Variants in ADAMTSL1 observed in about 807,000 individuals in gnomAD.
ADAMTSL1 encodes ADAMTS-like protein 1.
A neutral mutation model predicts 201.8 loss-of-function variants in ADAMTSL1; 126 were observed. The ratio of observed to expected loss-of-function variants is 0.62; its 90% confidence interval spans 0.54 to 0.72. The LOEUF is 0.72. Among genes scored for constraint, ADAMTSL1 ranks in the 30% least tolerant of loss-of-function variants. ADAMTSL1 has a pLI of 0.00. For missense variants in ADAMTSL1, 2,679 were observed against 2,277.8 expected (o/e 1.18, Z -3.59); for synonymous variants, 1,121 against 903.4 (o/e 1.24, Z -4.32).
intron 4 of ADAMTSL1, among the ~76,000 whole-genome samples, chr9:18,609,282 A>G (rs1359966053): frequency 6.6e-6 from 1 of 152,172 alleles, no homozygotes; most frequent in Admixed American, 6.5e-5. Flanking sequence ...CTTTAATTTG[A>G]GTAGAATGCA....
At chr9:17,947,336 CA>C in intron 1 of ADAMTSL1, among the ~76,000 whole-genome samples, 1 of 147,154 alleles carries the variant, frequency 6.8e-6, no homozygotes, top group African/African-American at 2.5e-5. Flanking sequence ...CACACACACA[CA>C]CACACACACC....
Position 18,063,950 on chromosome 9 carries a change from C to T in ADAMTSL1, c.88-99912C>T, listed in dbSNP as rs2131708210. The stretch of plus-strand genomic sequence containing the variant: ...TTCCGTGCCGGTTTAGAATCAACAA[C>T]CACAGGACTCACATTTTATCCCCCA... On this transcript the variant is annotated intron_variant, in intron 1 of 29. Transcript: ENST00000680146. Among the ~76,000 whole-genome samples, 3 of 152,252 alleles carry T rather than the reference C, an allele frequency of 2.0e-5. No homozygotes were observed. The East Asian group carries it at 5.8e-4, about 29-fold the overall frequency.
intron 23 of ADAMTSL1, among the ~76,000 whole-genome samples, chr9:18,843,441 G>A (rs1274589115): frequency 4.6e-5 from 7 of 150,804 alleles, no homozygotes; most frequent in Non-Finnish European, 1.0e-4. Context: ...TGGGTAACCC[G>A]ACCTTTCTCT....
chr9:18,084,507 G>C (rs1298679504), intron 1 of ADAMTSL1, among the ~76,000 whole-genome samples: 1 of 150,158 alleles, frequency 6.7e-6, no homozygotes, highest in Non-Finnish European at 1.5e-5. Context: ...GGGCAACAGA[G>C]CAAGACTCCA....
At chr9:18,123,659 A>G (rs1825603380) in intron 1 of ADAMTSL1, among the ~76,000 whole-genome samples, 1 of 152,172 alleles carries the variant, frequency 6.6e-6, no homozygotes, top group Admixed American at 6.5e-5. Flanking sequence ...GTATAGGTTC[A>G]ATGAATTTTA....
intron 1 of ADAMTSL1, among the ~76,000 whole-genome samples, chr9:18,081,363 G>A (rs1048741440): frequency 1.3e-5 from 2 of 151,754 alleles, no homozygotes; most frequent in African/African-American, 4.8e-5. Context: ...CTTGTAACAC[G>A]AATAATTCTT....
intron 1 of ADAMTSL1, among the ~76,000 whole-genome samples, chr9:17,915,007 G>C (rs988134699): frequency 6.6e-6 from 1 of 151,846 alleles, no homozygotes; most frequent in Non-Finnish European, 1.5e-5. Context: ...ATTTTGCATT[G>C]TTAAAAATGC....
At chr9:18,636,431 C>A (rs1827117864) in intron 6 of ADAMTSL1, among the ~76,000 whole-genome samples, 1 of 152,064 alleles carries the variant, frequency 6.6e-6, no homozygotes, top group Non-Finnish European at 1.5e-5. Context: ...TGTTTCATTA[C>A]TTCCATCAAT....
In ADAMTSL1 at chr9:18,188,678, C is replaced by T. The variant is rs146799632; in HGVS notation, c.207+24697C>T. Reference sequence around the variant, plus strand: ...ATGGATTCTGGCAGCAGCAAACTGCCGGGGATATTAGAAAGGGAAGATTCA... The same window carrying T: ...ATGGATTCTGGCAGCAGCAAACTGCTGGGGATATTAGAAAGGGAAGATTCA... On this transcript the variant is annotated intron_variant, in intron 2 of 29. Coordinates refer to the ADAMTSL1 transcript ENST00000680146. Among the ~76,000 whole-genome samples the T allele has an allele frequency of 2.5e-3, 387 of 152,170 alleles. 4 individuals are homozygous for T. Among genetic ancestry groups the T allele is most frequent in the African/African-American group, 8.9e-3 (370 of 41,520 alleles).
chr9:18,023,949 C>A (rs999637912), intron 1 of ADAMTSL1, among the ~76,000 whole-genome samples: 15 of 151,906 alleles, frequency 9.9e-5, no homozygotes, highest in African/African-American at 3.6e-4. Flanking sequence ...TTTTAAATAC[C>A]AAGATATTCA....
intron 6 of ADAMTSL1, among the ~76,000 whole-genome samples, chr9:18,637,209 C>G (rs1259151758): frequency 1.3e-5 from 2 of 152,040 alleles, no homozygotes; most frequent in East Asian, 3.9e-4. Flanking sequence ...TCCTGAACAA[C>G]CCTGTAAAAT....
At chr9:18,833,433 G>C (rs1020329185) in intron 23 of ADAMTSL1, among the ~76,000 whole-genome samples, 3 of 152,124 alleles carry the variant, frequency 2.0e-5, no homozygotes, top group African/African-American at 7.2e-5. Flanking sequence ...TTGTGGTTTT[G>C]ATTTGCGTTT....
At chr9:18,849,121 C>T (rs951456024) in intron 23 of ADAMTSL1, among the ~76,000 whole-genome samples, 3 of 152,164 alleles carry the variant, frequency 2.0e-5, no homozygotes, top group Non-Finnish European at 2.9e-5. Context: ...ATATTTCTTA[C>T]GTCTGTCATG....
At chr9:18,711,650 G>C (rs1000162720) in intron 14 of ADAMTSL1, among the ~76,000 whole-genome samples, 11 of 152,300 alleles carry the variant, frequency 7.2e-5, no homozygotes, top group African/African-American at 2.4e-4. Context: ...CAAACTGCAA[G>C]GTGGCAGCGA....
intron 2 of ADAMTSL1, chr9:18,361,939 G>T (rs1242513587): frequency 6.6e-6 from 1 of 152,148 alleles, no homozygotes; most frequent in Admixed American, 6.6e-5. Flanking sequence ...GGGACAGAAG[G>T]GGAGCATAAA....
chr9:18,483,104 A>T (rs1030683472), intron 1 of ADAMTSL1, among the ~76,000 whole-genome samples: 7 of 152,242 alleles, frequency 4.6e-5, no homozygotes, highest in Non-Finnish European at 8.8e-5. Flanking sequence ...GTTGACTGGT[A>T]TCTCTTTGAA....
chr9:18,723,944 C>T (rs1019330895), intron 15 of ADAMTSL1: 1 of 152,204 alleles, frequency 6.6e-6, no homozygotes, highest in Non-Finnish European at 1.5e-5. Context: ...TTTTCCCACA[C>T]AACCCACAAC....
chr9:18,870,094 C>T (rs1015425872), intron 23 of ADAMTSL1, among the ~76,000 whole-genome samples: 1 of 152,076 alleles, frequency 6.6e-6, no homozygotes. Flanking sequence ...ATAGTTTCTA[C>T]TTGTCTACTG....
rs918561390 is a variant in ADAMTSL1 at position 17,954,649 on chromosome 9, A to T, written c.87+47727A>T. On this transcript the variant is annotated intron_variant, in intron 1 of 29. Transcript: ENST00000680146. Reference sequence around the variant, plus strand: ...ATGCTTGATTATTTAATTGTTCCTTAGTGTGCCTATGAAATATTTGCTGTC... The same window carrying T: ...ATGCTTGATTATTTAATTGTTCCTTTGTGTGCCTATGAAATATTTGCTGTC... Among the ~76,000 whole-genome samples the T allele has an allele frequency of 2.0e-5, 3 of 152,286 alleles. No individual in the cohort carries two copies. The East Asian group carries it at 5.8e-4, about 29-fold the overall frequency.
Sources: allele counts gnomAD v4.1 joint callset (sites outside exome capture counted in the v4.1 genomes callset), GRCh38; gene constraint gnomAD v4.1.1; transcripts MANE v1.5; gene names NCBI Gene and HGNC (gene_info 2026-07-23, HGNC 2026-07-21).